The following GPHN variants were observed in gnomAD, a reference collection of about 807,000 sequenced individuals.
GPHN encodes the protein gephyrin.
GPHN carries 17 observed loss-of-function variants against 95.5 expected under a neutral mutation model. The observed-to-expected ratio is 0.18, with a 90% CI of 0.12 to 0.27. The LOEUF (loss-of-function observed/expected upper bound fraction) is 0.27. Ranked by LOEUF, GPHN falls within the 10% of genes least tolerant of loss-of-function variation. The pLI is 1.00. For synonymous variants in GPHN, 320 were observed against 322.5 expected (o/e 0.99, Z 0.08); for missense variants, 660 against 978.1 (o/e 0.67, Z 4.34).
the GPHN span, among the ~76,000 whole-genome samples, chr14:67,665,243 C>T: frequency 6.8e-6 from 1 of 146,128 alleles, no homozygotes; most frequent in African/African-American, 2.5e-5. Context: ...ACAACAGCAT[C>T]TAATGTCAGT....
At chr14:66,900,986 A>G (rs529352148) in intron 5 of GPHN, among the ~76,000 whole-genome samples, 6 of 152,198 alleles carry the variant, frequency 3.9e-5, no homozygotes, top group African/African-American at 1.4e-4. Context: ...TAGTGGCTCT[A>G]CTAATTTACA....
the GPHN span, chr14:67,691,275 T>G: frequency 2.6e-6 from 4 of 1,527,320 alleles, no homozygotes; most frequent in Non-Finnish European, 3.6e-6. Context: ...AGCGTGGAAG[T>G]GGCTAGCCAA....
the GPHN span, among the ~76,000 whole-genome samples, chr14:67,356,439 A>AC: frequency 2.1e-5 from 3 of 143,316 alleles, no homozygotes; most frequent in East Asian, 2.4e-4. Context: ...AAAAACAAAA[A>AC]AAAAAAAACA....
chr14:67,287,026 TGGGTGA>T, the GPHN span, among the ~76,000 whole-genome samples: 1 of 152,022 alleles, frequency 6.6e-6, no homozygotes, highest in South Asian at 2.1e-4. Flanking sequence ...AAGACCAGCT[TGGGTGA>T]CAGTGAAATC....
At chr14:66,523,431 G>A (rs1205080428) in intron 1 of GPHN, among the ~76,000 whole-genome samples, 2 of 151,964 alleles carry the variant, frequency 1.3e-5, no homozygotes, top group African/African-American at 2.4e-5. Flanking sequence ...CAAAAAATTA[G>A]CACTCCCTCC....
At chr14:67,070,728 A>ATATATATATATATATATC (rs2076268058) in intron 11 of GPHN, among the ~76,000 whole-genome samples, 2 of 137,036 alleles carry the variant, frequency 1.5e-5, no homozygotes, top group African/African-American at 6.4e-5. Context: ...ATATATATAT[A>ATATATATATATATATATC]TCCAATCAGC....
At chr14:67,127,550 T>G (rs1468671309) in intron 17 of GPHN, among the ~76,000 whole-genome samples, 1 of 152,152 alleles carries the variant, frequency 6.6e-6, no homozygotes, top group Admixed American at 6.5e-5. Flanking sequence ...AAAATGTTGA[T>G]TATACTTTAA....
At chr14:67,120,063 T>G (rs1291840765) in intron 16 of GPHN, among the ~76,000 whole-genome samples, 1 of 151,062 alleles carries the variant, frequency 6.6e-6, no homozygotes, top group East Asian at 1.9e-4. Context: ...GGGGTGGAGG[T>G]TGCAGTGAGC....
At chr14:67,422,855 G>C in the GPHN span, among the ~76,000 whole-genome samples, 4 of 144,186 alleles carry the variant, frequency 2.8e-5, no homozygotes, top group East Asian at 8.2e-4. Flanking sequence ...TTTTGAGATG[G>C]AGTTTTGCTC....
intron 2 of GPHN, among the ~76,000 whole-genome samples, chr14:66,762,788 G>A (rs932915328): frequency 2.0e-5 from 3 of 151,956 alleles, no homozygotes; most frequent in Admixed American, 6.6e-5. Flanking sequence ...AAGTATGGTG[G>A]CCACATTTAC....
chr14:66,516,455 T>C (rs1396756353), intron 1 of GPHN, among the ~76,000 whole-genome samples: 2 of 152,214 alleles, frequency 1.3e-5, no homozygotes. Flanking sequence ...TACTATATCC[T>C]TGGGAACCAC....
chr14:67,518,130 G>A, the GPHN span, among the ~76,000 whole-genome samples: 4 of 152,130 alleles, frequency 2.6e-5, 1 homozygote, highest in Admixed American at 1.3e-4. Context: ...AAGGTGAAGG[G>A]GCCTGGAACA....
chr14:66,775,474 T>C (rs1365726809), intron 2 of GPHN, among the ~76,000 whole-genome samples: 3 of 152,124 alleles, frequency 2.0e-5, no homozygotes, highest in African/African-American at 7.2e-5. Flanking sequence ...ACAGATGAAA[T>C]TAACTTTAAT....
At chr14:66,573,450 CT>C (rs369274048) in intron 1 of GPHN, among the ~76,000 whole-genome samples, 1,828 of 137,404 alleles carry the variant, frequency 0.013, 39 homozygotes, top group African/African-American at 0.042. Context: ...ATATAATAAC[CT>C]TTTTTTTTTT....
chr14:67,077,270 T>G (rs1046040491), intron 11 of GPHN, among the ~76,000 whole-genome samples: 3 of 152,176 alleles, frequency 2.0e-5, no homozygotes, highest in Non-Finnish European at 4.4e-5. Context: ...TATTCAACAC[T>G]TTGTTATAAA....
chr14:67,301,414 A>T, the GPHN span: 1 of 1,610,504 alleles, frequency 6.2e-7, no homozygotes, highest in East Asian at 2.2e-5. Context: ...AAGCCAGTTC[A>T]TCATAAGGAA....
the GPHN span, among the ~76,000 whole-genome samples, chr14:67,462,155 G>A: frequency 9.4e-3 from 1,434 of 152,296 alleles, 23 homozygotes; most frequent in African/African-American, 0.033. Flanking sequence ...CTAGCTCAGA[G>A]CATGAGCAGC....
the GPHN span, among the ~76,000 whole-genome samples, chr14:67,265,588 G>A: frequency 6.6e-6 from 1 of 151,882 alleles, no homozygotes; most frequent in Admixed American, 6.6e-5. Flanking sequence ...CCAGCGCAGT[G>A]GCTCACGCCT....
the GPHN span, among the ~76,000 whole-genome samples, chr14:67,640,807 T>C: frequency 2.6e-5 from 4 of 152,214 alleles, no homozygotes; most frequent in Non-Finnish European, 5.9e-5. Context: ...TGTGAGAATA[T>C]AGCACTAGTT....
Sources: allele counts gnomAD v4.1 joint callset (sites outside exome capture counted in the v4.1 genomes callset), GRCh38; gene constraint gnomAD v4.1.1; transcripts MANE v1.5; gene names NCBI Gene and HGNC (gene_info 2026-07-23, HGNC 2026-07-21).